The following THRB variants were observed in gnomAD, a reference collection of about 807,000 sequenced individuals.
The protein encoded by THRB is thyroid hormone receptor beta.
A neutral mutation model predicts 47.8 loss-of-function variants in THRB; 12 were observed. The ratio of observed to expected loss-of-function variants is 0.25; its 90% CI spans 0.16 to 0.41. The LOEUF (loss-of-function observed/expected upper bound fraction) is 0.41. THRB is among the 10% of genes least tolerant of loss of function. The pLI, the probability that THRB is intolerant of heterozygous loss-of-function variation, is 1.00. For synonymous variants in THRB, 218 were observed against 212.2 expected, an observed-to-expected ratio of 1.03 and a Z score of -0.24; for missense variants, 348 against 589.2, an observed-to-expected ratio of 0.59 and a Z score of 4.24.
intron 1 of THRB, among the ~76,000 whole-genome samples, chr3:24,385,724 G>T (rs1186296435): frequency 6.6e-6 from 1 of 152,052 alleles, no homozygotes; most frequent in Non-Finnish European, 1.5e-5. Context: ...GAGACAACTG[G>T]AACTACCTGA....
chr3:24,326,756 C>CTGTTTTTTTTTTTTTT (rs2061618892), intron 2 of THRB, among the ~76,000 whole-genome samples: 1 of 50,026 alleles, frequency 2.0e-5, no homozygotes. Context: ...CCAGTCTTGT[C>CTGTTTTTTTTTTTTTT]TTTTTTTTTT....
chr3:24,186,356 T>C (rs945656224), intron 5 of THRB, among the ~76,000 whole-genome samples: 2 of 148,888 alleles, frequency 1.3e-5, no homozygotes, highest in Admixed American at 1.4e-4. Flanking sequence ...GGACAAGGAG[T>C]AGGATGTGGT....
At chr3:24,369,288 T>C (rs552633055) in intron 1 of THRB, among the ~76,000 whole-genome samples, 1 of 152,294 alleles carries the variant, frequency 6.6e-6, no homozygotes, top group East Asian at 1.9e-4. Flanking sequence ...CATGCTACGT[T>C]GAATTCAGTT....
intron 1 of THRB, among the ~76,000 whole-genome samples, chr3:24,363,534 T>C (rs1458323410): frequency 6.6e-6 from 1 of 152,188 alleles, no homozygotes; most frequent in East Asian, 1.9e-4. Context: ...ATTTGTATGG[T>C]GTTTGGCTAA....
intron 2 of THRB, among the ~76,000 whole-genome samples, chr3:24,330,893 C>T (rs1379522041): frequency 6.6e-6 from 1 of 152,160 alleles, no homozygotes; most frequent in African/African-American, 2.4e-5. Context: ...TAGGTTTTGC[C>T]TTGAAGCTAA....
At position 24,183,333 on chromosome 3, in the gene THRB, ATCTTTTTTCTTTTCTTCTTTT is replaced by A. The variant is rs1159285925; in HGVS notation, c.283+6720_283+6740del. On this transcript the variant is annotated intron_variant, in intron 5 of 10. Coordinates refer to ENST00000646209, the MANE Select transcript of THRB (RefSeq NM_001354712.2). ...GGGGGCTTTATACATATTATCTTTC[ATCTTTTTTCTTTTCTTCTTTT>A]TCTTTTTTCTTTTCTTTTTTTTTTT... is the stretch of plus-strand genomic sequence containing the variant. 5.7e-3 allele frequency among the ~76,000 whole-genome samples: 836 copies of A among 145,756 alleles called. 38 individuals are homozygous for A. Among genetic ancestry groups the A allele is most frequent in the Middle Eastern group, 7.1e-3 (2 of 280 alleles).
chr3:24,387,474 A>T (rs1443021865), intron 1 of THRB, among the ~76,000 whole-genome samples: 1 of 152,176 alleles, frequency 6.6e-6, no homozygotes, highest in African/African-American at 2.4e-5. Context: ...ATTTTTAATC[A>T]AAGTAGCCTC....
chr3:24,431,543 G>C (rs1331401299), intron 1 of THRB, among the ~76,000 whole-genome samples: 1 of 152,018 alleles, frequency 6.6e-6, no homozygotes, highest in East Asian at 1.9e-4. Context: ...CTTCTTGGAG[G>C]GAGTGTTGAC....
At chr3:24,230,377 T>G (rs552636949) in intron 3 of THRB, among the ~76,000 whole-genome samples, 3 of 152,308 alleles carry the variant, frequency 2.0e-5, no homozygotes, top group Admixed American at 2.0e-4. Context: ...CAATATATGT[T>G]GAACAACTAA....
At position 24,393,802 on chromosome 3, in the gene THRB, A is replaced by G. The variant is rs897251203; in HGVS notation, c.-260-56431T>C. 5.9e-5 allele frequency among the ~76,000 whole-genome samples: 9 copies of G among 152,118 alleles called. 1 individual carries two copies. Among genetic ancestry groups the G allele is most frequent in the Admixed American group, 6.6e-5 (1 of 15,252 alleles). On this transcript the variant is annotated intron_variant, in intron 1 of 10. Coordinates refer to ENST00000646209, the MANE Select transcript of THRB (RefSeq NM_001354712.2). ...GACTTTACAACCACTTAAGGAACAG[A>G]ATAATGTAGGAGATGGATCTGATGT...
chr3:24,230,367 C>CTGTTGTTGAGTTGTTG (rs2048129905), intron 3 of THRB, among the ~76,000 whole-genome samples: 1 of 152,186 alleles, frequency 6.6e-6, no homozygotes, highest in African/African-American at 2.4e-5. Flanking sequence ...AGGTACTCAA[C>CTGTTGTTGAGTTGTTG]AATATATGTT....
At chr3:24,124,121 A>AATT (rs1303111722) in intron 10 of THRB, among the ~76,000 whole-genome samples, 1 of 152,158 alleles carries the variant, frequency 6.6e-6, no homozygotes, top group East Asian at 1.9e-4. Context: ...TCAAAGGTCC[A>AATT]ATTATTGAGG....
At chr3:24,465,602 C>T (rs1203597011) in intron 1 of THRB, among the ~76,000 whole-genome samples, 1 of 152,128 alleles carries the variant, frequency 6.6e-6, no homozygotes, top group Admixed American at 6.5e-5. Flanking sequence ...TGGGGTTTCA[C>T]CATGTTGGCC....
At chr3:24,225,147 A>G (rs188097867) in intron 4 of THRB, among the ~76,000 whole-genome samples, 2 of 152,352 alleles carry the variant, frequency 1.3e-5, no homozygotes, top group Admixed American at 1.3e-4. Context: ...CTCAGTTGTC[A>G]TAAGGGAAAT....
intron 5 of THRB, among the ~76,000 whole-genome samples, chr3:24,185,346 A>G (rs1165112626): frequency 6.6e-6 from 1 of 152,232 alleles, no homozygotes. Context: ...ATGCACAGAG[A>G]AAAGACTGAA....
chr3:24,197,027 T>C (rs958044706), intron 4 of THRB, among the ~76,000 whole-genome samples: 1 of 152,246 alleles, frequency 6.6e-6, no homozygotes, highest in Non-Finnish European at 1.5e-5. Flanking sequence ...TCCATTTACA[T>C]ACATGTATAT....
At chr3:24,237,669 T>A (rs985290349) in intron 3 of THRB, among the ~76,000 whole-genome samples, 1 of 152,140 alleles carries the variant, frequency 6.6e-6, no homozygotes, top group Admixed American at 6.5e-5. Flanking sequence ...AAAATGGGAA[T>A]AAGGCCGTAG....
chr3:24,373,873 T>C (rs916587860), intron 1 of THRB, among the ~76,000 whole-genome samples: 1 of 152,120 alleles, frequency 6.6e-6, no homozygotes, highest in Admixed American at 6.5e-5. Flanking sequence ...GTTCAAACTG[T>C]GTTCAAATAA....
At chr3:24,429,971 A>G (rs966636826) in intron 1 of THRB, 1 of 152,106 alleles carries the variant, frequency 6.6e-6, no homozygotes, top group Non-Finnish European at 1.5e-5. Flanking sequence ...GTTGAAAAAA[A>G]AATTGTCAGT....
Sources: allele counts gnomAD v4.1 joint callset (sites outside exome capture counted in the v4.1 genomes callset), GRCh38; gene constraint gnomAD v4.1.1; transcripts MANE v1.5; gene names NCBI Gene and HGNC (gene_info 2026-07-23, HGNC 2026-07-21).